Variants in ITGAE observed in about 807,000 individuals in gnomAD.
ITGAE encodes the protein integrin subunit alpha E.
In ITGAE, 99 loss-of-function variants were observed where a neutral mutation model predicts 136.5. The observed-to-expected ratio is 0.73, with a 90% CI of 0.62 to 0.86. The LOEUF (loss-of-function observed/expected upper bound fraction) is 0.86, where lower values mean the gene tolerates loss of function less well. Ranked by LOEUF, ITGAE falls within the 40% of genes least tolerant of loss-of-function variation. ITGAE has a pLI of 0.00. For synonymous variants in ITGAE, 613 were observed against 591.8 expected (o/e 1.04, Z -0.52); for missense variants, 1,447 against 1,515.3 (o/e 0.95, Z 0.75).
rs1351429080 is a variant in ITGAE, at chr17:3,757,879, T to A, written c.867-20A>T. ...CTGTCTCTAAGCAGGGGAGAGTAAA[T>A]GAAGAAGAGAGCTTTGCCAGAAGGA... On this transcript the variant is annotated intron_variant, in intron 8 of 30. Transcript: ENST00000263087. The A allele has an allele frequency of 2.5e-6, 4 of 1,613,286 alleles. No individual in the cohort carries two copies. Among genetic ancestry groups the A allele is most frequent in the Middle Eastern group, 3.3e-4 (2 of 6,078 alleles).
At chr17:3,800,571 C>G (rs554861343) in intron 1 of ITGAE, among the ~76,000 whole-genome samples, 3 of 152,148 alleles carry the variant, frequency 2.0e-5, no homozygotes, top group African/African-American at 7.2e-5. Flanking sequence ...GTGCCTCCCC[C>G]CACCCCACAT....
At chr17:3,721,227 C>A (rs1056331803) in intron 28 of ITGAE, among the ~76,000 whole-genome samples, 5 of 121,284 alleles carry the variant, frequency 4.1e-5, no homozygotes, top group African/African-American at 1.5e-4. Flanking sequence ...CCACACCCAG[C>A]TTATTCATTT....
At chr17:3,796,171 G>GTGTGTGTGTGTGTT (rs1567565873) in intron 1 of ITGAE, among the ~76,000 whole-genome samples, 2 of 10,236 alleles carry the variant, frequency 2.0e-4, no homozygotes, top group African/African-American at 1.5e-3. Flanking sequence ...GTGTGCATCC[G>GTGTGTGTGTGTGTT]TGTGTGTGTG....
intron 22 of ITGAE, 38 bp downstream of exon 22, chr17:3,732,330 G>T: frequency 6.8e-7 from 1 of 1,463,426 alleles, no homozygotes. Flanking sequence ...GCCAACTGCA[G>T]GGTGGTGAGA....
At chr17:3,735,386 C>T (rs1440776708) in intron 20 of ITGAE, among the ~76,000 whole-genome samples, 2 of 152,184 alleles carry the variant, frequency 1.3e-5, no homozygotes. Context: ...AGGCTGGTCT[C>T]GAACTCCTGA....
rs370747105 is a variant in ITGAE, at chr17:3,734,907, G to A, written c.2565C>T (p.Asn855=). 1.7e-4 allele frequency: 269 copies of A among 1,614,076 alleles called. No individual in the cohort carries two copies. Among genetic ancestry groups the A allele is most frequent in the Non-Finnish European group, 2.1e-4 (247 of 1,180,034 alleles). ...VVGLTKELTL[N]INLTNSGEDS... is the part of the protein sequence containing the mutation. ...CTTCCCCGGAGTTAGTTAGGTTAAT[G>A]TTCAGGGTCAGCTCCTTTGTGAGAC... The change falls in exon 21 of 31, where the codon AAC becomes AAT. Residue 855 remains asparagine, a synonymous_variant. Coordinates refer to ENST00000263087, the MANE Select transcript of ITGAE (RefSeq NM_002208.5).
At chr17:3,760,117 G>T in intron 7 of ITGAE, 55 bp downstream of exon 7, 2 of 1,022,684 alleles carry the variant, frequency 2.0e-6, no homozygotes, top group Non-Finnish European at 3.1e-6. Context: ...GTTGTTCTGA[G>T]GTAGGGTGAT....
Position 3,770,381 on chromosome 17 carries a change from C to T in ITGAE, c.156-6421G>A, listed in dbSNP as rs543109190. Among the ~76,000 whole-genome samples the T allele has an allele frequency of 7.2e-5, 11 of 152,202 alleles. No individual in the cohort carries two copies. In the East Asian group the frequency reaches 2.1e-3, roughly 29 times the overall value. ...CTGACCTCAAGTGATCTGCCGGCCTCAGCCTCCCAAAGTGCTGGGATTACG... is the reference window on the plus strand; with the variant it reads ...CTGACCTCAAGTGATCTGCCGGCCTTAGCCTCCCAAAGTGCTGGGATTACG... On this transcript the variant is annotated intron_variant, in intron 2 of 30. Coordinates refer to ENST00000263087, the MANE Select transcript of ITGAE (RefSeq NM_002208.5).
Position 3,791,110 on chromosome 17 carries a change from G to A in ITGAE, c.34+10001C>T, listed in dbSNP as rs200235779. 1.8e-4 allele frequency among the ~76,000 whole-genome samples: 27 copies of A among 146,198 alleles called. No homozygotes were observed. In the East Asian group the frequency reaches 2.5e-3, roughly 14 times the overall value. ...GCAGAGCTTGCAGTGAGCAGAGATC[G>A]CGCCACTGCACTCCAGCCTGGGCGA... On this transcript the variant is annotated intron_variant, in intron 1 of 30. Transcript: ENST00000263087.
chr17:3,729,561 A>T lies in ITGAE; in HGVS notation c.2835-6T>A. On this transcript the variant is annotated splice_polypyrimidine_tract_variant and splice_region_variant and intron_variant, in intron 23 of 30. Coordinates refer to ENST00000263087, the MANE Select transcript of ITGAE (RefSeq NM_002208.5). ...AAGACCGTCTTTCATTGGAACTAGG[A>T]ATAAGAGTGTTAGTTCATAGCACAC... 1 of 1,556,268 alleles carries T rather than the reference A, an allele frequency of 6.4e-7. No individual in the cohort carries two copies. Among genetic ancestry groups the T allele is most frequent in the Non-Finnish European group, 8.9e-7 (1 of 1,127,132 alleles).
chr17:3,786,888 C>CAAAAAA (rs1268482931), intron 1 of ITGAE, among the ~76,000 whole-genome samples: 2 of 35,286 alleles, frequency 5.7e-5, no homozygotes, highest in East Asian at 7.9e-4. Flanking sequence ...GACTCCATCT[C>CAAAAAA]AAAAAAAAAA....
rs146400248 is a variant in ITGAE, at chr17:3,752,093, G to A, written c.1669-219C>T. ...CCGTTGCCACCCAGGATGCACGCTC[G>A]CTGGGCTGGTGGGTGCCCACTCCGT... On this transcript the variant is annotated intron_variant, in intron 14 of 30. Transcript: ENST00000263087. Among the ~76,000 whole-genome samples, 37 of 149,462 alleles carry A rather than the reference G, an allele frequency of 2.5e-4. No individual in the cohort carries two copies. The East Asian group carries it at 6.9e-3, about 28-fold the overall frequency.
At chr17:3,792,310 T>C (rs1201114683) in intron 1 of ITGAE, among the ~76,000 whole-genome samples, 2 of 152,062 alleles carry the variant, frequency 1.3e-5, no homozygotes, top group East Asian at 1.9e-4. Flanking sequence ...TTAGTAGAGG[T>C]GGGGTTTCAC....
In ITGAE at chr17:3,761,947, C is replaced by T. The variant is rs1431632039; in HGVS notation, c.283G>A (p.Val95Met). 2 of 1,614,040 alleles carry T rather than the reference C, an allele frequency of 1.2e-6. No individual in the cohort carries two copies. Among genetic ancestry groups the T allele is most frequent in the South Asian group, 2.2e-5 (2 of 91,076 alleles). ...VPIPKGRHRG[V>M]TVVRSHHGVL... ...CCGTGGTGGCTCCGGACAACGGTCA[C>T]TCCCCGGTGCCTCCCCTTGGGGATG... is the stretch of plus-strand genomic sequence containing the variant. Residue 95 changes from valine (V) to methionine (M), a missense_variant, in exon 4 of 31, where the codon GTG becomes ATG. Transcript: ENST00000263087.
intron 26 of ITGAE, chr17:3,724,813 G>A: frequency 6.2e-7 from 1 of 1,614,180 alleles, no homozygotes; most frequent in Non-Finnish European, 8.5e-7. Flanking sequence ...GGCAAGAGGA[G>A]GGCCACAGGC....
At position 3,761,167 on chromosome 17, in the gene ITGAE, C is replaced by T; in HGVS notation, c.444G>A (p.Leu148=). 6.3e-7 allele frequency: 1 copy of T among 1,596,914 alleles called. No homozygotes were observed. The highest frequency in any genetic ancestry group is 8.5e-7 in the Non-Finnish European group (1 of 1,170,476). The change falls in exon 6 of 31, where the codon CTG becomes CTA. Residue 148 remains leucine, a synonymous_variant. Coordinates refer to ENST00000263087, the MANE Select transcript of ITGAE (RefSeq NM_002208.5). ...CAGTGTCCACACGTGCATCTGGATC[C>T]AGGAGATTTTCTTTAAAAACACACA... is the stretch of plus-strand genomic sequence containing the variant. ...QANFFDLENL[L]DPDARVDTGD...
intron 20 of ITGAE, among the ~76,000 whole-genome samples, chr17:3,737,569 A>T (rs1332072427): frequency 6.6e-6 from 1 of 152,154 alleles, no homozygotes; most frequent in African/African-American, 2.4e-5. Flanking sequence ...CATATAGGAT[A>T]ACAAAGCAGA....
At chr17:3,729,905 G>T (rs1417613431) in intron 23 of ITGAE, among the ~76,000 whole-genome samples, 1 of 152,066 alleles carries the variant, frequency 6.6e-6, no homozygotes, top group Non-Finnish European at 1.5e-5. Flanking sequence ...ATTTTTTTAA[G>T]TTCCAGGGTA....
At chr17:3,778,298 C>T (rs547785193) in intron 1 of ITGAE, among the ~76,000 whole-genome samples, 1 of 152,292 alleles carries the variant, frequency 6.6e-6, no homozygotes, top group South Asian at 2.1e-4. Context: ...GCCAGTGGCT[C>T]ATGCCTGTAA....
Sources: gnomAD v4.1 joint callset for allele counts (sites outside exome capture counted in the v4.1 genomes callset) on GRCh38, gnomAD v4.1.1 for gene constraint, MANE v1.5 for transcripts, NCBI Gene and HGNC (gene_info 2026-07-23, HGNC 2026-07-21) for gene names.